Variants in TRMT11 observed in about 807,000 individuals in gnomAD.
The protein encoded by TRMT11 is tRNA methyltransferase 11.
TRMT11 carries 53 observed loss-of-function variants against 62.8 expected under a neutral mutation model. That is an observed-to-expected ratio of 0.84 (90% CI 0.68 to 1.06). The LOEUF (loss-of-function observed/expected upper bound fraction) is 1.06. Ranked by LOEUF, TRMT11 falls within the 50% of genes least tolerant of loss-of-function variation. The pLI, the probability that TRMT11 is intolerant of heterozygous loss-of-function variation, is 0.00. For missense variants in TRMT11, 556 were observed against 553.4 expected (o/e 1.00, Z -0.05); for synonymous variants, 188 against 190.3 (o/e 0.99, Z 0.10).
the TRMT11 span, among the ~76,000 whole-genome samples, chr6:126,237,642 C>T: frequency 6.6e-6 from 1 of 152,082 alleles, no homozygotes; most frequent in Non-Finnish European, 1.5e-5. Flanking sequence ...GATCATGGCA[C>T]AGCACTCCAG....
chr6:126,105,732 T>G (rs1777457566), intron 17 of TRMT11, among the ~76,000 whole-genome samples: 1 of 152,154 alleles, frequency 6.6e-6, no homozygotes, highest in African/African-American at 2.4e-5. Flanking sequence ...GAGAGTTAGC[T>G]TTCATTTTTT....
chr6:126,137,168 C>T (rs1777860700), intron 21 of TRMT11, among the ~76,000 whole-genome samples: 1 of 151,538 alleles, frequency 6.6e-6, no homozygotes, highest in Non-Finnish European at 1.5e-5. Flanking sequence ...TTCTGAACAG[C>T]AAAGGAAATA....
intron 1 of TRMT11, among the ~76,000 whole-genome samples, chr6:126,187,556 A>G (rs1019937923): frequency 2.6e-5 from 4 of 152,036 alleles, no homozygotes; most frequent in African/African-American, 9.7e-5. Context: ...CTCAATCTCA[A>G]TCATAGTCTC....
At chr6:126,234,552 T>C in the TRMT11 span, among the ~76,000 whole-genome samples, 2 of 152,146 alleles carry the variant, frequency 1.3e-5, no homozygotes, top group Non-Finnish European at 2.9e-5. Flanking sequence ...TGTCATGGGA[T>C]AAATGCAGGT....
At chr6:126,209,547 C>T in the TRMT11 span, among the ~76,000 whole-genome samples, 1 of 150,314 alleles carries the variant, frequency 6.7e-6, no homozygotes. Flanking sequence ...GGTGAAACCC[C>T]GTCTCTACTA....
intron 12 of TRMT11, among the ~76,000 whole-genome samples, chr6:126,033,020 C>T (rs1414823008): frequency 6.6e-6 from 1 of 152,086 alleles, no homozygotes; most frequent in Non-Finnish European, 1.5e-5. Context: ...CCCTAGGCCT[C>T]ATTTCTCATG....
At chr6:126,144,603 A>G (rs1166191905) in intron 21 of TRMT11, among the ~76,000 whole-genome samples, 1 of 152,140 alleles carries the variant, frequency 6.6e-6, no homozygotes, top group Admixed American at 6.6e-5. Context: ...GAATCACAAT[A>G]TCCCTCACTT....
chr6:126,005,187 A>AT (rs1793178155), intron 7 of TRMT11, among the ~76,000 whole-genome samples: 1 of 152,094 alleles, frequency 6.6e-6, no homozygotes, highest in Non-Finnish European at 1.5e-5. Context: ...TAACACTCTT[A>AT]TTAACAGAGT....
intron 17 of TRMT11, among the ~76,000 whole-genome samples, chr6:126,065,423 G>T (rs967045065): frequency 6.6e-6 from 1 of 151,910 alleles, no homozygotes; most frequent in South Asian, 2.1e-4. Context: ...TTCACTCACT[G>T]GTAGTGACCT....
chr6:126,149,198 A>G (rs1397089783), intron 21 of TRMT11, among the ~76,000 whole-genome samples: 1 of 152,220 alleles, frequency 6.6e-6, no homozygotes, highest in African/African-American at 2.4e-5. Flanking sequence ...ATGAAGCAGA[A>G]TGTTTTGCCC....
intron 3 of TRMT11, among the ~76,000 whole-genome samples, chr6:125,996,305 A>G (rs1048847498): frequency 2.0e-5 from 3 of 152,222 alleles, no homozygotes; most frequent in Non-Finnish European, 4.4e-5. Flanking sequence ...TGAGATATAA[A>G]CACTATGTTC....
chr6:126,215,678 T>C, the TRMT11 span, among the ~76,000 whole-genome samples: 4 of 152,034 alleles, frequency 2.6e-5, no homozygotes, highest in African/African-American at 9.7e-5. Flanking sequence ...GCTTAGTTCA[T>C]TAGTGAAGGT....
chr6:126,025,893 T>TAA (rs994524216), intron 12 of TRMT11, among the ~76,000 whole-genome samples: 15 of 152,212 alleles, frequency 9.9e-5, no homozygotes, highest in Non-Finnish European at 2.1e-4. Flanking sequence ...ATCCCTCTTT[T>TAA]AAAAGTGTAA....
chr6:126,251,135 A>G, the TRMT11 span, among the ~76,000 whole-genome samples: 1 of 151,560 alleles, frequency 6.6e-6, no homozygotes, highest in African/African-American at 2.4e-5. Context: ...GGTTCAAGCA[A>G]TTCTCCTGCC....
At chr6:126,023,072 C>T (rs747736964) in intron 12 of TRMT11, among the ~76,000 whole-genome samples, 3 of 152,108 alleles carry the variant, frequency 2.0e-5, no homozygotes, top group Non-Finnish European at 4.4e-5. Context: ...AATGATTTTA[C>T]TGGACTTTGC....
At chr6:126,007,668 T>C in intron 7 of TRMT11, among the ~76,000 whole-genome samples, 1 of 152,052 alleles carries the variant, frequency 6.6e-6, no homozygotes, top group East Asian at 1.9e-4. Context: ...AAGATTTCTC[T>C]TCATGCATGA....
At chr6:126,033,294 A>G (rs996767565) in intron 12 of TRMT11, among the ~76,000 whole-genome samples, 11 of 152,148 alleles carry the variant, frequency 7.2e-5, no homozygotes, top group African/African-American at 2.7e-4. Context: ...GTTGTGTTTA[A>G]AGCAGCAGTT....
chr6:126,046,569 C>G (rs1776067034), intron 16 of TRMT11, among the ~76,000 whole-genome samples: 1 of 152,214 alleles, frequency 6.6e-6, no homozygotes, highest in Admixed American at 6.5e-5. Context: ...GGGCCCAGGA[C>G]TCAGCCACCA....
At chr6:125,986,714 C>G in intron 1 of TRMT11, 92 bp downstream of exon 1, 1 of 1,280,698 alleles carries the variant, frequency 7.8e-7, no homozygotes, top group Non-Finnish European at 1.1e-6. Context: ...CCCGAGGAAG[C>G]TGGGATTCGG....
Sources: gnomAD v4.1 joint callset for allele counts (sites outside exome capture counted in the v4.1 genomes callset) on GRCh38, gnomAD v4.1.1 for gene constraint, MANE v1.5 for transcripts, NCBI Gene and HGNC (gene_info 2026-07-23, HGNC 2026-07-21) for gene names.